The following SLC9A3 variants were observed in gnomAD, a reference collection of about 807,000 sequenced individuals.
SLC9A3 encodes solute carrier family 9 member A3.
A neutral mutation model predicts 86.8 loss-of-function variants in SLC9A3; 37 were observed. The ratio of observed to expected loss-of-function variants is 0.43; its 90% CI spans 0.33 to 0.56. The LOEUF (loss-of-function observed/expected upper bound fraction) is 0.56. Ranked by LOEUF, SLC9A3 falls within the 20% of genes least tolerant of loss-of-function variation. The pLI, the probability that SLC9A3 is intolerant of heterozygous loss-of-function variation, is 0.06. For synonymous variants in SLC9A3, 581 were observed against 528.3 expected (o/e 1.10, Z -1.37); for missense variants, 1,011 against 1,171.9 (o/e 0.86, Z 2.00).
Position 479,946 on chromosome 5 carries a change from T to TC in SLC9A3, c.1536dup (p.Lys513GlufsTer37). The TC allele has an allele frequency of 6.2e-7, 1 of 1,613,866 alleles. No homozygotes were observed. The highest frequency in any genetic ancestry group is 1.1e-5 in the South Asian group (1 of 91,086). ...CTCATGAGGACCCTGCTGAGGAACT[T>TC]CCTGTCGAAGTGGGACCACCTGTAG... On this transcript the variant is annotated frameshift_variant, in exon 10 of 17. Coordinates refer to ENST00000264938, the MANE Select transcript of SLC9A3 (RefSeq NM_004174.4). LOFTEE classifies it high-confidence loss of function.
intron 7 of SLC9A3, 90 bp from the exon 8 acceptor site, chr5:482,247 CG>C (rs1739237822): frequency 9.7e-7 from 1 of 1,030,312 alleles, no homozygotes; most frequent in Non-Finnish European, 1.5e-6. Context: ...CCACCTGCCC[CG>C]GGGCCCACAG....
In SLC9A3 at chr5:484,534, C is replaced by T; in HGVS notation, c.918G>A (p.Leu306=). ...LSYLTSEMLS[L]SAILAITFCG... ...GAGGGACTCACGCGAGGATGGCCGACAGCGACAGCATCTCGGACGTCAGGT... is the reference window on the plus strand; with the variant it reads ...GAGGGACTCACGCGAGGATGGCCGATAGCGACAGCATCTCGGACGTCAGGT... Residue 306 remains leucine (L), a synonymous_variant, in exon 5 of 17, where the codon CTG becomes CTA. Transcript: ENST00000264938. 3.1e-6 allele frequency: 5 copies of T among 1,612,818 alleles called. No individual in the cohort carries two copies. The highest frequency in any genetic ancestry group is 4.2e-6 in the Non-Finnish European group (5 of 1,179,930).
At chr5:477,482 G>T in intron 10 of SLC9A3, 38 bp from the exon 11 acceptor site, 2 of 1,484,982 alleles carry the variant, frequency 1.3e-6, no homozygotes, top group Non-Finnish European at 9.3e-7. Flanking sequence ...GGCCTGAGCA[G>T]CCAAGCCCTA....
chr5:502,869 G>C (rs1370927671), intron 1 of SLC9A3, among the ~76,000 whole-genome samples: 1 of 108,952 alleles, frequency 9.2e-6, no homozygotes, highest in Non-Finnish European at 2.5e-5. Flanking sequence ...CTGTGTTCCA[G>C]TGAAACTTTA....
chr5:516,178 C>T (rs1482496066), intron 1 of SLC9A3, among the ~76,000 whole-genome samples: 1 of 150,340 alleles, frequency 6.7e-6, no homozygotes, highest in East Asian at 2.0e-4. Flanking sequence ...CCCCTCTGCC[C>T]CAGGGATGGC....
rs142937148 is a variant in SLC9A3 at position 492,659 on chromosome 5, C to CGG, written c.212-590_212-589dup. ...AGGCCCGTGCTGGATGGACGGTGGTCGGGGGGGGGCCTCTGACCTGCCGCC... is the reference window on the plus strand; with the variant it reads ...AGGCCCGTGCTGGATGGACGGTGGTCGGGGGGGGGGGCCTCTGACCTGCCGCC... On this transcript the variant is annotated intron_variant, in intron 1 of 16. Coordinates refer to ENST00000264938, the MANE Select transcript of SLC9A3 (RefSeq NM_004174.4). 1.0e-2 allele frequency among the ~76,000 whole-genome samples: 1,491 copies of CGG among 149,406 alleles called. 30 individuals are homozygous for CGG. The highest frequency in any genetic ancestry group is 0.034 in the African/African-American group (1,381 of 40,678).
At position 472,786 on chromosome 5, in the gene SLC9A3, G is replaced by T. The variant is rs1208113046; in HGVS notation, c.*593C>A. 3 of 582,726 alleles carry T rather than the reference G, an allele frequency of 5.1e-6. No individual in the cohort carries two copies. The highest frequency in any genetic ancestry group is 9.7e-6 in the Non-Finnish European group (3 of 308,084). The allele number at this position is 582,726 out of a possible 1,614,324, so 36.1% of individuals were successfully genotyped here. Reference sequence around the variant, plus strand: ...GGTCGGGCCCTGAGTCCTGGCGCTCGGGAGGTCCCTGAGTCGGTCCCCGAG... The same window carrying T: ...GGTCGGGCCCTGAGTCCTGGCGCTCTGGAGGTCCCTGAGTCGGTCCCCGAG... On this transcript the variant is annotated 3_prime_UTR_variant, in exon 17 of 17. Transcript: ENST00000264938.
chr5:489,525 C>T (rs533968406), intron 2 of SLC9A3, among the ~76,000 whole-genome samples: 1 of 152,312 alleles, frequency 6.6e-6, no homozygotes, highest in South Asian at 2.1e-4. Flanking sequence ...TCAGGGTCAT[C>T]TCTGCGGTGA....
At chr5:504,928 C>T (rs576859041) in intron 1 of SLC9A3, among the ~76,000 whole-genome samples, 10 of 141,716 alleles carry the variant, frequency 7.1e-5, no homozygotes, top group Non-Finnish European at 1.1e-4. Flanking sequence ...GAGCAGCAGA[C>T]GCCTGCAGGG....
chr5:522,800 T>G (rs1736895549), intron 1 of SLC9A3, among the ~76,000 whole-genome samples: 1 of 150,696 alleles, frequency 6.6e-6, no homozygotes, highest in African/African-American at 2.4e-5. Flanking sequence ...AGGGGGGCAC[T>G]CCCGTCAGAG....
rs1240476568 is a variant in SLC9A3 at position 474,993 on chromosome 5, G to T, written c.2391C>A (p.Thr797=). The T allele has an allele frequency of 1.2e-6, 2 of 1,612,226 alleles. No individual in the cohort carries two copies. The highest frequency in any genetic ancestry group is 1.7e-6 in the Non-Finnish European group (2 of 1,179,722). Residue 797 remains threonine, a synonymous_variant, in exon 16 of 17, where the codon ACC becomes ACA. Coordinates refer to ENST00000264938, the MANE Select transcript of SLC9A3 (RefSeq NM_004174.4). ...GGCGGAAGGGCATCAGGCGGCAGAAGGTGCCGGGAGAGTAGGGAATCTGCG... is the reference window on the plus strand; with the variant it reads ...GGCGGAAGGGCATCAGGCGGCAGAATGTGCCGGGAGAGTAGGGAATCTGCG... ...ARTQIPYSPG[T]FCRLMPFRLS...
intron 14 of SLC9A3, 145 bp downstream of exon 14, chr5:475,875 G>A (rs1738694410): frequency 1.3e-6 from 1 of 767,954 alleles, no homozygotes; most frequent in Admixed American, 2.7e-5. Context: ...CTGCAGCTGG[G>A]GCCCTGACCA....
chr5:480,142 T>G, intron 9 of SLC9A3, 177 bp from the exon 10 acceptor site: 2 of 628,952 alleles, frequency 3.2e-6, no homozygotes, highest in Non-Finnish European at 2.7e-6. Context: ...TTCTCCCGCC[T>G]GTCCTGTTGG....
chr5:477,191 G>A (rs931873679), intron 11 of SLC9A3, 141 bp downstream of exon 11: 4 of 610,728 alleles, frequency 6.5e-6, no homozygotes, highest in Non-Finnish European at 8.8e-6. Context: ...CTTGTGGAAG[G>A]AGACACCCAC....
intron 9 of SLC9A3, chr5:480,197 A>G: frequency 2.1e-6 from 1 of 486,736 alleles, no homozygotes; most frequent in South Asian, 2.2e-5. Context: ...CGCCTCCTCC[A>G]GAGGGTGGCT....
chr5:477,178 G>A (rs1206543789), intron 11 of SLC9A3, 154 bp downstream of exon 11: 2 of 592,434 alleles, frequency 3.4e-6, no homozygotes, highest in Non-Finnish European at 6.1e-6. Context: ...TAATATAGGA[G>A]GGCTTGTGGA....
intron 1 of SLC9A3, among the ~76,000 whole-genome samples, chr5:508,265 G>A (rs1163235572): frequency 1.2e-4 from 17 of 143,670 alleles, no homozygotes; most frequent in South Asian, 2.3e-4. Context: ...GCAGAGAGAC[G>A]CAGCCCATAG....
At chr5:473,408 C>T (rs1443194623) in intron 16 of SLC9A3, 26 bp from the exon 17 acceptor site, 11 of 1,387,578 alleles carry the variant, frequency 7.9e-6, no homozygotes, top group Non-Finnish European at 9.4e-6. Context: ...GCGTGAGCGG[C>T]GCGCGGAGCC....
rs567604359 is a variant in SLC9A3, at chr5:519,331, C to A, written c.211+4781G>T. Among the ~76,000 whole-genome samples, 3 of 152,304 alleles carry A rather than the reference C, an allele frequency of 2.0e-5. No homozygotes were observed. The East Asian group carries it at 5.8e-4, about 29-fold the overall frequency. On this transcript the variant is annotated intron_variant, in intron 1 of 16. Coordinates refer to ENST00000264938, the MANE Select transcript of SLC9A3 (RefSeq NM_004174.4). ...CTTTCCTATGCTTCTTCAAGGAGAACCTAAGGGCAGTTCAGCTGGAGTGGG... is the reference window on the plus strand; with the variant it reads ...CTTTCCTATGCTTCTTCAAGGAGAAACTAAGGGCAGTTCAGCTGGAGTGGG...
Sources: allele counts gnomAD v4.1 joint callset (sites outside exome capture counted in the v4.1 genomes callset), GRCh38; gene constraint gnomAD v4.1.1; transcripts MANE v1.5; gene names NCBI Gene and HGNC (gene_info 2026-07-23, HGNC 2026-07-21).